MAP4K3: variants seen among roughly 807,000 people sequenced by gnomAD.
MAP4K3 encodes the protein MAPK/ERK kinase kinase kinase 3.
In MAP4K3, 94 loss-of-function variants were observed where a neutral mutation model predicts 143.5. The ratio of observed to expected loss-of-function variants is 0.65; its 90% CI spans 0.55 to 0.78. The LOEUF (loss-of-function observed/expected upper bound fraction) is 0.78. MAP4K3 is among the 30% of genes least tolerant of loss of function. The pLI, the probability that MAP4K3 is intolerant of heterozygous loss-of-function variation, is 0.00. For synonymous variants in MAP4K3, 416 were observed against 347.2 expected (o/e 1.20, Z -2.20); for missense variants, 1,077 against 1,068.1 (o/e 1.01, Z -0.12).
chr2:39,260,396 G>A (rs749915821), intron 29 of MAP4K3, among the ~76,000 whole-genome samples: 3 of 152,014 alleles, frequency 2.0e-5, no homozygotes, highest in Non-Finnish European at 4.4e-5. Flanking sequence ...GATTACTGGC[G>A]TGACCCACCA....
chr2:39,275,757 C>A (rs147458460), intron 24 of MAP4K3, among the ~76,000 whole-genome samples: 1 of 152,136 alleles, frequency 6.6e-6, no homozygotes, highest in Non-Finnish European at 1.5e-5. Context: ...GTATATCATA[C>A]AGTTTAGGAT....
chr2:39,337,694 G>T, intron 4 of MAP4K3, 113 bp from the exon 5 acceptor site: 5 of 451,770 alleles, frequency 1.1e-5, no homozygotes, highest in African/African-American at 2.1e-5. Context: ...CAATTCTACT[G>T]AAATGTAAGC....
At chr2:39,422,066 C>T (rs566645468) in intron 1 of MAP4K3, among the ~76,000 whole-genome samples, 1 of 151,544 alleles carries the variant, frequency 6.6e-6, no homozygotes, top group African/African-American at 2.4e-5. Flanking sequence ...AGAGGGATTA[C>T]ATTCTGTTCA....
intron 1 of MAP4K3, among the ~76,000 whole-genome samples, chr2:39,421,758 C>T (rs182074944): frequency 2.5e-4 from 38 of 152,122 alleles, no homozygotes; most frequent in Non-Finnish European, 2.9e-4. Context: ...TAGTTTGGCC[C>T]GTTTCCTGCA....
intron 31 of MAP4K3, among the ~76,000 whole-genome samples, chr2:39,256,121 A>C (rs1646872415): frequency 6.6e-6 from 1 of 152,146 alleles, no homozygotes; most frequent in African/African-American, 2.4e-5. Flanking sequence ...TAAGTTTTTC[A>C]CTGATTATTT....
At chr2:39,271,571 A>G (rs1040943754) in intron 26 of MAP4K3, among the ~76,000 whole-genome samples, 1 of 152,182 alleles carries the variant, frequency 6.6e-6, no homozygotes, top group Non-Finnish European at 1.5e-5. Flanking sequence ...AGGCAAAACC[A>G]CTCAACTTCA....
intron 22 of MAP4K3, among the ~76,000 whole-genome samples, chr2:39,280,593 G>A (rs1420052742): frequency 6.6e-6 from 1 of 151,600 alleles, no homozygotes; most frequent in Non-Finnish European, 1.5e-5. Context: ...AAAAAAAAAA[G>A]GTCTTATTTT....
At chr2:39,258,622 A>C (rs1203917772) in intron 29 of MAP4K3, 35 bp from the exon 30 acceptor site, 1 of 1,362,570 alleles carries the variant, frequency 7.3e-7, no homozygotes, top group South Asian at 1.2e-5. Flanking sequence ...AACCTACAGA[A>C]ACTGTGATAC....
In MAP4K3 at chr2:39,337,595, C is replaced by T; in HGVS notation, c.311-14G>A. The stretch of plus-strand genomic sequence containing the variant: ...GAGGTCCAGTTACTGTAAAAGAAGA[C>T]AATTAATACTCATAAAATTAGTCAA... On this transcript the variant is annotated splice_polypyrimidine_tract_variant and intron_variant, in intron 4 of 33. Transcript: ENST00000263881. 6.3e-7 allele frequency: 1 copy of T among 1,581,616 alleles called. No individual in the cohort carries two copies. The highest frequency in any genetic ancestry group is 8.7e-7 in the Non-Finnish European group (1 of 1,152,316).
chr2:39,299,115 G>A (rs1682406164), intron 16 of MAP4K3, among the ~76,000 whole-genome samples: 1 of 151,798 alleles, frequency 6.6e-6, no homozygotes, highest in Non-Finnish European at 1.5e-5. Context: ...AGACTCTAAG[G>A]GGAATAGCAA....
At chr2:39,391,104 C>T (rs1361370092) in intron 1 of MAP4K3, among the ~76,000 whole-genome samples, 1 of 151,464 alleles carries the variant, frequency 6.6e-6, no homozygotes, top group Non-Finnish European at 1.5e-5. Flanking sequence ...GCCTGTAATC[C>T]CAGCACTTTG....
chr2:39,258,819 G>C (rs747297825), intron 29 of MAP4K3, among the ~76,000 whole-genome samples: 23 of 152,160 alleles, frequency 1.5e-4, no homozygotes, highest in Admixed American at 5.9e-4. Context: ...TGGCAATGCG[G>C]AACACATGGA....
intron 12 of MAP4K3, among the ~76,000 whole-genome samples, chr2:39,318,050 T>C (rs1683177472): frequency 6.6e-6 from 1 of 152,018 alleles, no homozygotes. Flanking sequence ...GAAAATGTGG[T>C]ACGGATATGC....
Position 39,343,596 on chromosome 2 carries a change from T to G in MAP4K3, c.246-144A>C, listed in dbSNP as rs1573176905. The G allele has an allele frequency of 8.2e-6, 5 of 610,096 alleles. No individual in the cohort carries two copies. In the East Asian group the frequency reaches 1.4e-4, roughly 17 times the overall value. The allele number at this position is 610,096 out of a possible 1,614,324, so 37.8% of individuals were successfully genotyped here. ...CTTTAAAATAACTAATTAATCTTTA[T>G]GAGTAATGAATTACTTAATATAATG... On this transcript the variant is annotated intron_variant, in intron 3 of 33. Coordinates refer to ENST00000263881, the MANE Select transcript of MAP4K3 (RefSeq NM_003618.4).
chr2:39,292,886 A>C lies in MAP4K3; in HGVS notation c.1218-60T>G. The C allele has an allele frequency of 5.1e-6, 7 of 1,378,408 alleles. No homozygotes were observed. The Admixed American group carries it at 9.0e-5, about 18-fold the overall frequency. The allele number at this position is 1,378,408 out of a possible 1,614,324, so 85.4% of individuals were successfully genotyped here. A position where few individuals can be genotyped will look rare whatever the true frequency, so the allele number is the denominator to read the frequency against. ...GGATTTTACCAAAACAGTAAGAAGAAATTTTAGAAAATGCAGGAAAAGCTA... is the reference window on the plus strand; with the variant it reads ...GGATTTTACCAAAACAGTAAGAAGACATTTTAGAAAATGCAGGAAAAGCTA... On this transcript the variant is annotated intron_variant, in intron 17 of 33. Transcript: ENST00000263881.
chr2:39,317,953 T>A (rs762029017), intron 12 of MAP4K3, among the ~76,000 whole-genome samples: 3 of 152,086 alleles, frequency 2.0e-5, no homozygotes, highest in Admixed American at 6.6e-5. Context: ...GCACGTTATG[T>A]TCATCGCAGT....
intron 4 of MAP4K3, among the ~76,000 whole-genome samples, chr2:39,340,205 A>G (rs982176480): frequency 6.6e-6 from 1 of 152,238 alleles, no homozygotes; most frequent in Non-Finnish European, 1.5e-5. Flanking sequence ...ATGTGATAAA[A>G]AAGAGGCAGA....
chr2:39,386,459 C>T (rs191302164), intron 1 of MAP4K3, among the ~76,000 whole-genome samples: 1 of 152,186 alleles, frequency 6.6e-6, no homozygotes, highest in Non-Finnish European at 1.5e-5. Context: ...CTTTTGGTAT[C>T]ACATCCAAGA....
At chr2:39,278,266 T>G (rs2148462326) in intron 24 of MAP4K3, 141 bp downstream of exon 24, 1 of 529,552 alleles carries the variant, frequency 1.9e-6, no homozygotes, top group South Asian at 3.2e-5. Flanking sequence ...GAGTGAGACT[T>G]GGTCTCAAAA....
Sources: allele counts gnomAD v4.1 joint callset (sites outside exome capture counted in the v4.1 genomes callset), GRCh38; gene constraint gnomAD v4.1.1; transcripts MANE v1.5; gene names NCBI Gene and HGNC (gene_info 2026-07-23, HGNC 2026-07-21).